Variants in KSR2 observed in about 807,000 individuals in gnomAD.
KSR2 encodes kinase suppressor of ras 2.
KSR2 carries 25 observed loss-of-function variants against 107.8 expected under a neutral mutation model. The observed-to-expected ratio is 0.23, with a 90% CI of 0.17 to 0.32. KSR2 has a LOEUF of 0.32. KSR2 is among the 10% of genes least tolerant of loss of function. KSR2 has a pLI of 1.00. For missense variants in KSR2, 887 were observed against 1,268.9 expected (o/e 0.70, Z 4.57); for synonymous variants, 480 against 507.0 (o/e 0.95, Z 0.71).
intron 1 of KSR2, among the ~76,000 whole-genome samples, chr12:117,870,086 T>A (rs895411699): frequency 1.3e-5 from 2 of 152,182 alleles, no homozygotes; most frequent in African/African-American, 4.8e-5. Flanking sequence ...TGCTAGGAGC[T>A]GTTCACGGCT....
chr12:117,711,714 G>A (rs191929037), intron 4 of KSR2, among the ~76,000 whole-genome samples: 2 of 152,326 alleles, frequency 1.3e-5, no homozygotes, highest in Non-Finnish European at 2.9e-5. Context: ...ATTTCTCATG[G>A]AAGGATCTTT....
intron 4 of KSR2, among the ~76,000 whole-genome samples, chr12:117,730,773 G>A (rs570361929): frequency 6.6e-6 from 1 of 152,362 alleles, no homozygotes; most frequent in East Asian, 1.9e-4. Flanking sequence ...GCCTCCCGAG[G>A]TGCCGGGATT....
intron 3 of KSR2, among the ~76,000 whole-genome samples, chr12:117,796,275 C>T (rs10774959): frequency 0.5 from 75,674 of 151,968 alleles, 20,200 homozygotes; most frequent in African/African-American, 0.68. Context: ...AGTTAGGCCT[C>T]TGTGAGCAAG....
intron 1 of KSR2, among the ~76,000 whole-genome samples, chr12:117,945,483 T>G (rs1159325684): frequency 6.6e-6 from 1 of 152,132 alleles, no homozygotes; most frequent in African/African-American, 2.4e-5. Flanking sequence ...AAGATCAGCC[T>G]GGCCAATGTG....
chr12:117,532,477 C>T (rs1295866884), intron 10 of KSR2, among the ~76,000 whole-genome samples: 1 of 152,186 alleles, frequency 6.6e-6, no homozygotes, highest in Non-Finnish European at 1.5e-5. Context: ...CCTCCCATCT[C>T]AAGATCCATA....
chr12:117,855,312 C>A (rs1288332763), intron 3 of KSR2, 116 bp downstream of exon 3: 4 of 1,394,384 alleles, frequency 2.9e-6, no homozygotes, highest in Middle Eastern at 2.1e-4. Context: ...CGGATTTGCC[C>A]CCCAGGGTTG....
chr12:117,655,566 T>A (rs144991331), intron 5 of KSR2, among the ~76,000 whole-genome samples: 5,934 of 152,228 alleles, frequency 0.039, 266 homozygotes, highest in East Asian at 0.24. Context: ...CCACCCACCA[T>A]CACCCCTAGT....
chr12:117,794,021 CACACCAACAT>C (rs1566018466), intron 3 of KSR2, among the ~76,000 whole-genome samples: 9 of 40,928 alleles, frequency 2.2e-4, no homozygotes, highest in East Asian at 2.7e-3. Context: ...CATGCACACT[CACACCAACAT>C]GCACACACCA....
At chr12:117,758,707 G>A in intron 4 of KSR2, among the ~76,000 whole-genome samples, 1 of 152,182 alleles carries the variant, frequency 6.6e-6, no homozygotes. Flanking sequence ...ATCCTTCAGG[G>A]GTCTAGGGAA....
intron 4 of KSR2, among the ~76,000 whole-genome samples, chr12:117,717,024 G>T (rs1452055289): frequency 6.6e-6 from 1 of 152,142 alleles, no homozygotes; most frequent in Admixed American, 6.6e-5. Context: ...CTCTTTCCAG[G>T]TAAATTTCAG....
At chr12:117,793,431 AC>A in intron 3 of KSR2, among the ~76,000 whole-genome samples, 1 of 150,322 alleles carries the variant, frequency 6.7e-6, no homozygotes. Flanking sequence ...ATGCACACAC[AC>A]CAACATGCAC....
intron 4 of KSR2, among the ~76,000 whole-genome samples, chr12:117,722,205 C>T (rs1366611817): frequency 6.6e-6 from 1 of 152,066 alleles, no homozygotes; most frequent in African/African-American, 2.4e-5. Context: ...TAATTAACAC[C>T]TATAGCTAGT....
intron 3 of KSR2, among the ~76,000 whole-genome samples, chr12:117,802,261 T>G (rs758329732): frequency 3.3e-5 from 5 of 152,076 alleles, no homozygotes; most frequent in African/African-American, 4.8e-5. Context: ...CCTCTCTCTC[T>G]GACTCTGACC....
rs533154123 is a variant in KSR2, at chr12:117,918,173, C to T, written c.180+49903G>A. On this transcript the variant is annotated intron_variant, in intron 1 of 19. Transcript: ENST00000339824. The stretch of plus-strand genomic sequence containing the variant: ...CAACAGGCAGTTGCCTTTCAGACTA[C>T]GTTTATTTGAGGGGACACAGCTTCA... Among the ~76,000 whole-genome samples the T allele has an allele frequency of 1.7e-4, 26 of 152,316 alleles. 1 individual carries two copies. In the South Asian group the frequency reaches 5.2e-3, roughly 30 times the overall value.
chr12:117,793,527 CA>C (rs1219524992), intron 3 of KSR2, among the ~76,000 whole-genome samples: 66 of 94,732 alleles, frequency 7.0e-4, no homozygotes, highest in South Asian at 1.3e-3. Flanking sequence ...ACACATACAC[CA>C]ACGTGCACTC....
At chr12:117,520,485 T>A (rs1874687032) in intron 14 of KSR2, among the ~76,000 whole-genome samples, 1 of 152,162 alleles carries the variant, frequency 6.6e-6, no homozygotes. Context: ...AACCCTAATA[T>A]GGTGATCTTC....
chr12:117,836,198 C>T (rs1481400228), intron 3 of KSR2, among the ~76,000 whole-genome samples: 3 of 152,142 alleles, frequency 2.0e-5, no homozygotes, highest in Non-Finnish European at 4.4e-5. Flanking sequence ...GCAGTAGCAT[C>T]GTCAAGTTTA....
intron 4 of KSR2, among the ~76,000 whole-genome samples, chr12:117,747,357 C>T (rs1298044952): frequency 6.6e-6 from 1 of 151,368 alleles, no homozygotes; most frequent in African/African-American, 2.4e-5. Context: ...ACCACATGTT[C>T]TCACTCATAC....
chr12:117,609,230 T>G (rs1881457813), intron 5 of KSR2, among the ~76,000 whole-genome samples: 1 of 152,214 alleles, frequency 6.6e-6, no homozygotes, highest in African/African-American at 2.4e-5. Flanking sequence ...TTCACCTCTC[T>G]GGGCCTCAAG....
Sources: allele counts gnomAD v4.1 joint callset (sites outside exome capture counted in the v4.1 genomes callset), GRCh38; gene constraint gnomAD v4.1.1; transcripts MANE v1.5; gene names NCBI Gene and HGNC (gene_info 2026-07-23, HGNC 2026-07-21).